Variants in CARF observed in about 807,000 individuals in gnomAD.
The protein encoded by CARF is calcium responsive transcription factor, also known as calcium-responsive transcription factor.
A neutral mutation model predicts 82.0 loss-of-function variants in CARF; 57 were observed. The ratio of observed to expected loss-of-function variants is 0.70; its 90% CI spans 0.56 to 0.87. CARF has a LOEUF of 0.87. Among genes scored for constraint, CARF ranks in the 40% least tolerant of loss-of-function variants. CARF has a pLI of 0.00. For missense variants in CARF, 771 were observed against 855.8 expected (o/e 0.90, Z 1.24); for synonymous variants, 268 against 290.1 (o/e 0.92, Z 0.77).
chr2:202,967,196 T>G, intron 10 of CARF, 98 bp downstream of exon 10: 1 of 1,303,628 alleles, frequency 7.7e-7, no homozygotes, highest in Non-Finnish European at 1.0e-6. Context: ...CCAAAAAGTA[T>G]ACAGTGAATT....
At chr2:202,914,936 A>T (rs892634526) in intron 1 of CARF, among the ~76,000 whole-genome samples, 86 of 152,172 alleles carry the variant, frequency 5.7e-4, no homozygotes, top group African/African-American at 1.7e-3. Flanking sequence ...TTTTCCCTGA[A>T]AATTAAAAAG....
At chr2:202,971,765 A>G in intron 12 of CARF, 27 bp downstream of exon 12, 1 of 1,560,996 alleles carries the variant, frequency 6.4e-7, no homozygotes, top group African/African-American at 1.4e-5. Context: ...TTGTTCTTTT[A>G]CATTTTTCAG....
chr2:202,918,593 A>C (rs1690200678), intron 2 of CARF, among the ~76,000 whole-genome samples: 1 of 152,168 alleles, frequency 6.6e-6, no homozygotes. Context: ...ATTGGCAGTT[A>C]GGGATAAAAA....
At chr2:202,916,413 C>T (rs1689675381) in intron 1 of CARF, among the ~76,000 whole-genome samples, 1 of 152,042 alleles carries the variant, frequency 6.6e-6, no homozygotes, top group Admixed American at 6.5e-5. Flanking sequence ...AATCTCTTAA[C>T]TTCGTGATCT....
rs34656288 is a variant in CARF at position 202,980,616 on chromosome 2, GTATATATATATATATATATA to G, written c.1559-912_1559-893del. Among the ~76,000 whole-genome samples, 97 of 42,670 alleles carry G rather than the reference GTATATATATATATATATATA, an allele frequency of 2.3e-3. 2 individuals carry two copies. The highest frequency in any genetic ancestry group is 0.02 in the Middle Eastern group (1 of 50). 28.0% of individuals were successfully genotyped at this position (42,670 alleles called of 152,430 possible). On this transcript the variant is annotated intron_variant, in intron 14 of 16. Transcript: ENST00000438828. ...GAGTTACAGATATAGCGTCTTTCAA[GTATATATATATATATATATA>G]TATATATATATATATATATATATAT...
At chr2:202,913,828 A>G in intron 1 of CARF, among the ~76,000 whole-genome samples, 1 of 152,384 alleles carries the variant, frequency 6.6e-6, no homozygotes, top group East Asian at 1.9e-4. Context: ...GAGAATATAC[A>G]GTACCTGACA....
At chr2:202,956,221 C>T (rs188929142) in intron 8 of CARF, among the ~76,000 whole-genome samples, 19 of 151,806 alleles carry the variant, frequency 1.3e-4, no homozygotes, top group Middle Eastern at 3.4e-3. Flanking sequence ...TTTTCAAGTC[C>T]GTATCACCAG....
At chr2:202,961,500 G>A (rs1236647268) in intron 9 of CARF, 74 bp downstream of exon 9, 1 of 1,334,982 alleles carries the variant, frequency 7.5e-7, no homozygotes, top group African/African-American at 1.5e-5. Flanking sequence ...ATTTTCCTAA[G>A]GTGATAACAT....
intron 4 of CARF, among the ~76,000 whole-genome samples, chr2:202,942,297 C>G (rs1461713292): frequency 2.0e-5 from 3 of 151,790 alleles, no homozygotes; most frequent in Non-Finnish European, 4.4e-5. Context: ...TGGCGTGAAC[C>G]CAGGAGGCAG....
At chr2:202,975,173 T>G (rs954671525) in intron 13 of CARF, among the ~76,000 whole-genome samples, 5 of 151,780 alleles carry the variant, frequency 3.3e-5, no homozygotes, top group Non-Finnish European at 7.4e-5. Context: ...TAGCTGGGTG[T>G]GGCCGGGCTC....
At chr2:202,980,503 G>A (rs761164277) in intron 14 of CARF, among the ~76,000 whole-genome samples, 1 of 149,764 alleles carries the variant, frequency 6.7e-6, no homozygotes, top group East Asian at 1.9e-4. Context: ...AATTAAGTTT[G>A]GTGTTAATTG....
intron 2 of CARF, among the ~76,000 whole-genome samples, chr2:202,921,213 G>A (rs944311599): frequency 6.6e-6 from 1 of 152,120 alleles, no homozygotes; most frequent in Non-Finnish European, 1.5e-5. Context: ...ATGTTAGCCA[G>A]GATGGTCTTG....
At chr2:202,981,487 ATAAAG>A in intron 14 of CARF, 63 bp from the exon 15 acceptor site, 1 of 1,135,884 alleles carries the variant, frequency 8.8e-7, no homozygotes, top group East Asian at 2.6e-5. Flanking sequence ...AAGGGTTGTA[ATAAAG>A]TATTTTTATG....
At chr2:202,923,377 C>T (rs546856103) in intron 2 of CARF, among the ~76,000 whole-genome samples, 46 of 152,272 alleles carry the variant, frequency 3.0e-4, no homozygotes, top group African/African-American at 5.3e-4. Context: ...ACCCCTGTTA[C>T]GATAGCTGCA....
chr2:202,948,548 T>G (rs1388050835), intron 5 of CARF, among the ~76,000 whole-genome samples: 1 of 152,190 alleles, frequency 6.6e-6, no homozygotes, highest in African/African-American at 2.4e-5. Flanking sequence ...CTTTTGTAAT[T>G]CTTATGGTAG....
chr2:202,968,408 A>C (rs2059641172), intron 10 of CARF, among the ~76,000 whole-genome samples: 1 of 152,198 alleles, frequency 6.6e-6, no homozygotes, highest in Non-Finnish European at 1.5e-5. Flanking sequence ...TCTCAAAAAA[A>C]TAAAATAAAA....
At chr2:202,947,639 TAAAACAA>T (rs927286084) in intron 5 of CARF, among the ~76,000 whole-genome samples, 8 of 152,206 alleles carry the variant, frequency 5.3e-5, no homozygotes, top group African/African-American at 1.7e-4. Context: ...GAACTTAAAG[TAAAACAA>T]AAAACAAAAA....
intron 14 of CARF, among the ~76,000 whole-genome samples, chr2:202,977,742 G>A (rs1236064929): frequency 2.6e-5 from 4 of 152,030 alleles, no homozygotes; most frequent in Admixed American, 2.6e-4. Flanking sequence ...CTCTGTTCTG[G>A]AAATGTCTTT....
chr2:202,980,950 G>A (rs2060238444), intron 14 of CARF, among the ~76,000 whole-genome samples: 2 of 151,824 alleles, frequency 1.3e-5, no homozygotes, highest in Admixed American at 6.6e-5. Flanking sequence ...TGGAGGTCCT[G>A]GAACCAGTCT....
Sources: gnomAD v4.1 joint callset for allele counts (sites outside exome capture counted in the v4.1 genomes callset) on GRCh38, gnomAD v4.1.1 for gene constraint, MANE v1.5 for transcripts, NCBI Gene and HGNC (gene_info 2026-07-23, HGNC 2026-07-21) for gene names.